PYGO2: variants seen among roughly 807,000 people sequenced by gnomAD.
PYGO2 encodes pygopus homolog 2.
PYGO2 carries 9 observed loss-of-function variants against 26.7 expected under a neutral mutation model. The ratio of observed to expected loss-of-function variants is 0.34; its 90% CI spans 0.20 to 0.59. The LOEUF (loss-of-function observed/expected upper bound fraction) is 0.59. PYGO2 is among the 20% of genes least tolerant of loss of function. The pLI, the probability that PYGO2 is intolerant of heterozygous loss-of-function variation, is 0.84. For synonymous variants in PYGO2, 236 were observed against 219.0 expected (o/e 1.08, Z -0.68); for missense variants, 538 against 561.5 (o/e 0.96, Z 0.42).
Position 154,959,808 on chromosome 1 carries a change from G to A in PYGO2, c.192C>T (p.Pro64=), listed in dbSNP as rs1655283475. 2.9e-6 allele frequency: 4 copies of A among 1,368,178 alleles called. No homozygotes were observed. The highest frequency in any genetic ancestry group is 5.5e-5 in the East Asian group (2 of 36,434). 84.8% of individuals were successfully genotyped at this position (1,368,178 alleles called of 1,614,324 possible). A position where few individuals can be genotyped will look rare whatever the true frequency, so the allele number is the denominator to read the frequency against. The part of the protein sequence containing the change: ...AYSHLTEFAP[P]PTPMVDHLVA... ...CCAGGTGATCCACCATGGGAGTTGG[G>A]GGTGGTGCAAACTCCGTCAGATGTG... The change falls in exon 3 of 3, where the codon CCC becomes CCT. Residue 64 remains proline, a synonymous_variant. Transcript: ENST00000368457. The surrounding 1 kb of genome is among the most constrained non-coding windows in gnomAD (Gnocchi z 4.7).
At chr1:154,960,875 C>T (rs575527360) in intron 2 of PYGO2, 102 bp downstream of exon 2, 581 of 1,111,654 alleles carry the variant, frequency 5.2e-4, no homozygotes, top group Non-Finnish European at 7.4e-4. Flanking sequence ...TCTCTCCTCC[C>T]TGCAGCTGAT....
At position 154,957,039 on chromosome 1, in the gene PYGO2, T is replaced by C. The variant is rs1430756983; in HGVS notation, c.*1740A>G. ...GGAGTCCTTGTCTGGGATTTTAAAA[T>C]CATTTTATTAATCCAACAGTACAAA... is the stretch of plus-strand genomic sequence containing the variant. On this transcript the variant is annotated 3_prime_UTR_variant, in exon 3 of 3. Coordinates refer to ENST00000368457, the MANE Select transcript of PYGO2 (RefSeq NM_138300.4). The C allele has an allele frequency of 6.6e-6, 1 of 152,290 alleles. No homozygotes were observed. The allele number at this position is 152,290 out of a possible 1,614,324, so 9.4% of individuals were successfully genotyped here.
Position 154,959,807 on chromosome 1 carries a change from G to A in PYGO2, c.193C>T (p.Pro65Ser). The A allele has an allele frequency of 1.5e-6, 2 of 1,368,044 alleles. No individual in the cohort carries two copies. The allele number at this position is 1,368,044 out of a possible 1,614,324, so 84.7% of individuals were successfully genotyped here. ...ACCAGGTGATCCACCATGGGAGTTG[G>A]GGGTGGTGCAAACTCCGTCAGATGT... ...YSHLTEFAPP[P>S]TPMVDHLVAS... The change falls in exon 3 of 3, where the codon CCA becomes TCA. Residue 65 changes from proline (P) to serine (S), a missense_variant. By Grantham distance (74) the Pro-to-Ser change is moderately conservative. Transcript: ENST00000368457. This position sits in a 1 kb window ranked among gnomAD's most constrained non-coding sequence, Gnocchi z 4.7.
At chr1:154,960,057 G>A (rs1180562979) in intron 2 of PYGO2, among the ~76,000 whole-genome samples, 1 of 152,108 alleles carries the variant, frequency 6.6e-6, no homozygotes, top group Non-Finnish European at 1.5e-5. Context: ...GAGGTCAGGA[G>A]ATCGAGATCA....
Position 154,959,684 on chromosome 1 carries a change from C to T in PYGO2, c.316G>A (p.Val106Met). ...GSPVPFGGFR[V>M]QGGMAGQVPP... is the part of the protein sequence containing the mutation. ...ACCTGGCCCGCCATGCCCCCCTGCA[C>T]ACGGAAGCCTCCGAAGGGCACAGGA... Residue 106 changes from valine to methionine, a missense_variant, in exon 3 of 3, where the codon GTG (valine) becomes ATG (methionine). By Grantham distance (21) the Val-to-Met change is conservative. Transcript: ENST00000368457. The surrounding 1 kb of genome is among the most constrained non-coding windows in gnomAD (Gnocchi z 4.7). The T allele has an allele frequency of 7.0e-7, 1 of 1,435,532 alleles. No homozygotes were observed. The highest frequency in any genetic ancestry group is 9.2e-7 in the Non-Finnish European group (1 of 1,088,726). 88.9% of individuals were successfully genotyped at this position (1,435,532 alleles called of 1,614,324 possible). A position where few individuals can be genotyped will look rare whatever the true frequency, so the allele number is the denominator to read the frequency against.
In PYGO2 at chr1:154,960,902, T is replaced by C. The variant is rs1655337829; in HGVS notation, c.153+75A>G. ...GCAGCTGATACAAGATACAAACAGATACTGGAATGGCAGAGTAGACAGTGT... is the reference window on the plus strand; with the variant it reads ...GCAGCTGATACAAGATACAAACAGACACTGGAATGGCAGAGTAGACAGTGT... On this transcript the variant is annotated intron_variant, in intron 2 of 2. Coordinates refer to ENST00000368457, the MANE Select transcript of PYGO2 (RefSeq NM_138300.4). 1.1e-5 allele frequency: 15 copies of C among 1,332,006 alleles called. No homozygotes were observed. The South Asian group carries it at 1.4e-4, about 12-fold the overall frequency. The allele number at this position is 1,332,006 out of a possible 1,614,324, so 82.5% of individuals were successfully genotyped here.
Position 154,958,698 on chromosome 1 carries a change from G to A in PYGO2, c.*81C>T. 2 of 1,212,320 alleles carry A rather than the reference G, an allele frequency of 1.6e-6. No homozygotes were observed. Among genetic ancestry groups the A allele is most frequent in the Admixed American group, 2.1e-5 (1 of 47,894 alleles). The allele number at this position is 1,212,320 out of a possible 1,614,324, so 75.1% of individuals were successfully genotyped here. On this transcript the variant is annotated 3_prime_UTR_variant, in exon 3 of 3. Coordinates refer to ENST00000368457, the MANE Select transcript of PYGO2 (RefSeq NM_138300.4). ...GGGATGGAAAGCCAGTGGAAACAAGGACCAAGAGCCAAACATCAAAAAAAT... is the reference window on the plus strand; with the variant it reads ...GGGATGGAAAGCCAGTGGAAACAAGAACCAAGAGCCAAACATCAAAAAAAT...
Position 154,958,418 on chromosome 1 carries a change from T to G in PYGO2, c.*361A>C. 4.0e-6 allele frequency: 1 copy of G among 252,462 alleles called. No individual in the cohort carries two copies. The highest frequency in any genetic ancestry group is 7.9e-6 in the Non-Finnish European group (1 of 127,276). The allele number at this position is 252,462 out of a possible 1,614,324, so 15.6% of individuals were successfully genotyped here. ...GTTCAGTAGGGGTGTTAGGCACAGG[T>G]GTTAGGGGCATCCATCATCAGCAGA... On this transcript the variant is annotated 3_prime_UTR_variant, in exon 3 of 3. Transcript: ENST00000368457.
chr1:154,959,745 G>C lies in PYGO2; in HGVS notation c.255C>G (p.Pro85=). The C allele has an allele frequency of 7.1e-7, 1 of 1,399,434 alleles. No individual in the cohort carries two copies. Among genetic ancestry groups the C allele is most frequent in the Non-Finnish European group, 9.4e-7 (1 of 1,067,418 alleles). 86.7% of individuals were successfully genotyped at this position (1,399,434 alleles called of 1,614,324 possible). Residue 85 remains proline, a synonymous_variant, in exon 3 of 3, where the codon CCC becomes CCG. Coordinates refer to ENST00000368457, the MANE Select transcript of PYGO2 (RefSeq NM_138300.4). This position sits in a 1 kb window ranked among gnomAD's most constrained non-coding sequence, Gnocchi z 4.7. The part of the protein sequence containing the change: ...SNPFEDDFGA[P]KVGVAAPPFL... ...ATGGAGGGGCTGCAACCCCCACTTT[G>C]GGGGCTCCGAAGTCATCTTCAAAAG...
At position 154,957,663 on chromosome 1, in the gene PYGO2, A is replaced by G. The variant is rs1410625435; in HGVS notation, c.*1116T>C. 1 of 152,668 alleles carries G rather than the reference A, an allele frequency of 6.6e-6. No individual in the cohort carries two copies. The highest frequency in any genetic ancestry group is 1.9e-4 in the East Asian group (1 of 5,326). The allele number at this position is 152,668 out of a possible 1,614,324, so 9.5% of individuals were successfully genotyped here. A position where few individuals can be genotyped will look rare whatever the true frequency, so the allele number is the denominator to read the frequency against. ...CTGAGAGGAATGAGAATTGCTAATTAATCACCAGGCCCAAGAGGATATGAA... is the reference window on the plus strand; with the variant it reads ...CTGAGAGGAATGAGAATTGCTAATTGATCACCAGGCCCAAGAGGATATGAA... On this transcript the variant is annotated 3_prime_UTR_variant, in exon 3 of 3. Coordinates refer to ENST00000368457, the MANE Select transcript of PYGO2 (RefSeq NM_138300.4).
Position 154,957,226 on chromosome 1 carries a change from CA to C in PYGO2, c.*1552del, listed in dbSNP as rs1385444336. 1 of 151,940 alleles carries C rather than the reference CA, an allele frequency of 6.6e-6. No homozygotes were observed. The highest frequency in any genetic ancestry group is 2.4e-5 in the African/African-American group (1 of 41,182). 9.4% of individuals were successfully genotyped at this position (151,940 alleles called of 1,614,324 possible). A position where few individuals can be genotyped will look rare whatever the true frequency, so the allele number is the denominator to read the frequency against. ...CAAAAACAGCAACAGATAAATGGGG[CA>C]AACAGAACAACAAACACAAGAGTTG... On this transcript the variant is annotated 3_prime_UTR_variant, in exon 3 of 3. Transcript: ENST00000368457.
In PYGO2 at chr1:154,961,525, GGCC is replaced by G. The variant is rs1393157497; in HGVS notation, c.49_51del (p.Gly17del). The G allele has an allele frequency of 1.4e-6, 2 of 1,422,076 alleles. No individual in the cohort carries two copies. The highest frequency in any genetic ancestry group is 2.9e-5 in the South Asian group (2 of 69,718). 88.1% of individuals were successfully genotyped at this position (1,422,076 alleles called of 1,614,324 possible). ...CTGGGCGGCGCAGGGGGCGGTGCGG[GGCC>G]GCCACCTCCCTCCAGCTTGTCCGGT... On this transcript the variant is annotated inframe_deletion, in exon 1 of 3. Coordinates refer to ENST00000368457, the MANE Select transcript of PYGO2 (RefSeq NM_138300.4).
chr1:154,958,984 T>C lies in PYGO2; in HGVS notation c.1016A>G (p.Asp339Gly). Reference protein sequence around the residue: ...PCGACRSEVNDDQDAILCEAS... With the variant: ...PCGACRSEVNGDQDAILCEAS... ...CTCACACAGAATGGCATCCTGGTCA[T>C]CGTTCACCTCACTCCGACAGGCACC... is the stretch of plus-strand genomic sequence containing the variant. Residue 339 changes from aspartate (D) to glycine (G), a missense_variant, in exon 3 of 3, where the codon GAT becomes GGT. Asp to Gly is a moderately conservative substitution (Grantham distance 94, BLOSUM62 -1). This residue lies in a region of PYGO2 where 72 missense variants were observed against 111.9 expected (regional missense o/e 0.64). Coordinates refer to ENST00000368457, the MANE Select transcript of PYGO2 (RefSeq NM_138300.4). 1 of 1,613,986 alleles carries C rather than the reference T, an allele frequency of 6.2e-7. No individual in the cohort carries two copies. Among genetic ancestry groups the C allele is most frequent in the Non-Finnish European group, 8.5e-7 (1 of 1,180,016 alleles).
In PYGO2 at chr1:154,961,033, G is replaced by A. The variant is rs555910878; in HGVS notation, c.104-7C>T. The A allele has an allele frequency of 5.6e-6, 9 of 1,611,168 alleles. No homozygotes were observed. Among genetic ancestry groups the A allele is most frequent in the African/African-American group, 4.0e-5 (3 of 74,866 alleles). ...GGACTCTTCATTTGCAGACCTGGAA[G>A]AGCGGCAAAAGGAAGACGCAGACAA... is the stretch of plus-strand genomic sequence containing the variant. On this transcript the variant is annotated splice_polypyrimidine_tract_variant and splice_region_variant and intron_variant, in intron 1 of 2. Coordinates refer to ENST00000368457, the MANE Select transcript of PYGO2 (RefSeq NM_138300.4).
Position 154,959,199 on chromosome 1 carries a change from A to G in PYGO2, c.801T>C (p.Ala267=). The G allele has an allele frequency of 6.3e-7, 1 of 1,579,530 alleles. No homozygotes were observed. The highest frequency in any genetic ancestry group is 8.6e-7 in the Non-Finnish European group (1 of 1,162,772). ...GGGGCTCCTGGGGAAAAGCAGTAGA[A>G]GCAGGTGGATTCAAGGGCTTCCCCC... is the stretch of plus-strand genomic sequence containing the variant. ...EDGGKPLNPP[A]STAFPQEPHS... is the part of the protein sequence containing the mutation. Residue 267 remains alanine, a synonymous_variant, in exon 3 of 3, where the codon GCT becomes GCC. Coordinates refer to ENST00000368457, the MANE Select transcript of PYGO2 (RefSeq NM_138300.4). The surrounding 1 kb of genome is among the most constrained non-coding windows in gnomAD (Gnocchi z 4.7).
rs1655262603 is a variant in PYGO2 at position 154,959,142 on chromosome 1, C to T, written c.858G>A (p.Gly286=). The change falls in exon 3 of 3, where the codon GGG becomes GGA. Residue 286 remains glycine (G), a synonymous_variant. Coordinates refer to ENST00000368457, the MANE Select transcript of PYGO2 (RefSeq NM_138300.4). This position sits in a 1 kb window ranked among gnomAD's most constrained non-coding sequence, Gnocchi z 4.7. The part of the protein sequence containing the change: ...HSGSPAAAVN[G]NQPSFPPNSS... The stretch of plus-strand genomic sequence containing the variant: ...TGTTCGGGGGGAAACTGGGCTGGTT[C>T]CCATTAACAGCAGCAGCCGGGGAGC... 5 of 1,595,764 alleles carry T rather than the reference C, an allele frequency of 3.1e-6. No homozygotes were observed. Among genetic ancestry groups the T allele is most frequent in the Non-Finnish European group, 4.3e-6 (5 of 1,169,752 alleles).
chr1:154,959,936 A>T lies in PYGO2; in HGVS notation c.154-90T>A, dbSNP rs533850053. ...ACTACCAACACAATACACATTTTGG[A>T]GGCTGATACTGTGGGCAGCTCAGGT... On this transcript the variant is annotated intron_variant, in intron 2 of 2. Coordinates refer to ENST00000368457, the MANE Select transcript of PYGO2 (RefSeq NM_138300.4). This position sits in a 1 kb window ranked among gnomAD's most constrained non-coding sequence, Gnocchi z 4.7. 3 of 753,690 alleles carry T rather than the reference A, an allele frequency of 4.0e-6. No homozygotes were observed. In the Admixed American group the frequency reaches 1.3e-4, roughly 32 times the overall value. 46.7% of individuals were successfully genotyped at this position (753,690 alleles called of 1,614,324 possible).
Position 154,958,954 on chromosome 1 carries a change from G to A in PYGO2, c.1046C>T (p.Ser349Phe). Residue 349 changes from serine (S) to phenylalanine (F), a missense_variant, in exon 3 of 3, where the codon TCC (serine) becomes TTC (phenylalanine). Physicochemically the swap from Ser to Phe is radical, Grantham distance 155. Around this residue, in one of 4 missense-constraint regions of PYGO2, gnomAD observed 72 missense variants for 111.9 expected, o/e 0.64. Transcript: ENST00000368457. ...DDQDAILCEA[S>F]CQKWFHRECT... is the part of the protein sequence containing the mutation. ...CTCACGGTGGAACCATTTCTGGCAG[G>A]AGGCCTCACACAGAATGGCATCCTG... 3.7e-6 allele frequency: 6 copies of A among 1,614,060 alleles called. No individual in the cohort carries two copies. Among genetic ancestry groups the A allele is most frequent in the Non-Finnish European group, 5.1e-6 (6 of 1,180,038 alleles).
rs183351702 is a variant in PYGO2 at position 154,958,312 on chromosome 1, T to A, written c.*467A>T. ...TCTCCCAGAGCCCATAAAAGGGCTATTGCAGGGATGGCAAGACCCCAATTC... is the reference window on the plus strand; with the variant it reads ...TCTCCCAGAGCCCATAAAAGGGCTAATGCAGGGATGGCAAGACCCCAATTC... On this transcript the variant is annotated 3_prime_UTR_variant, in exon 3 of 3. Coordinates refer to ENST00000368457, the MANE Select transcript of PYGO2 (RefSeq NM_138300.4). 1.2e-3 allele frequency: 189 copies of A among 158,194 alleles called. 1 individual carries two copies. The highest frequency in any genetic ancestry group is 4.2e-3 in the African/African-American group (177 of 41,656). The allele number at this position is 158,194 out of a possible 1,614,324, so 9.8% of individuals were successfully genotyped here.
Sources: gnomAD v4.1 joint callset for allele counts (sites outside exome capture counted in the v4.1 genomes callset) on GRCh38, gnomAD v4.1.1 for gene constraint, gnomAD v4.1.1 regional missense constraint, Gnocchi (gnomAD v3.1) non-coding constraint, MANE v1.5 for transcripts, NCBI Gene and HGNC (gene_info 2026-07-23, HGNC 2026-07-21) for gene names.